RAB12: variants seen among roughly 807,000 people sequenced by gnomAD.
RAB12 encodes the protein RAB12, member RAS oncogene family.
Under a neutral mutation model 28.4 loss-of-function variants are expected in RAB12, and 11 were observed. That is an observed-to-expected ratio of 0.39 (90% CI 0.24 to 0.64). The LOEUF is 0.64. Among genes scored for constraint, RAB12 ranks in the 30% least tolerant of loss-of-function variants. RAB12 has a pLI of 0.50. For synonymous variants in RAB12, 138 were observed against 145.3 expected, an observed-to-expected ratio of 0.95 and a Z score of 0.36; for missense variants, 276 against 351.1, an observed-to-expected ratio of 0.79 and a Z score of 1.71.
intron 1 of RAB12, among the ~76,000 whole-genome samples, chr18:8,612,829 C>G (rs1024534424): frequency 6.6e-6 from 1 of 152,144 alleles, no homozygotes; most frequent in Non-Finnish European, 1.5e-5. Context: ...CACCACCAAG[C>G]CCTTTTTTGA....
chr18:8,626,760 C>G (rs1057220677), intron 2 of RAB12, among the ~76,000 whole-genome samples: 1 of 152,206 alleles, frequency 6.6e-6, no homozygotes, highest in South Asian at 2.1e-4. Context: ...CCAAATGACC[C>G]CTCTCCCTCT....
intron 1 of RAB12, among the ~76,000 whole-genome samples, chr18:8,610,448 A>G (rs1296516707): frequency 6.6e-6 from 1 of 152,230 alleles, no homozygotes; most frequent in African/African-American, 2.4e-5. Context: ...GAATGTTAAA[A>G]CTAAAACTAC....
intron 3 of RAB12, among the ~76,000 whole-genome samples, 160 bp downstream of exon 3, chr18:8,633,487 T>C (rs33958447): frequency 6.6e-6 from 1 of 152,098 alleles, no homozygotes; most frequent in African/African-American, 2.4e-5. Flanking sequence ...TAGTCCTGTA[T>C]TGTGGATGAG....
chr18:8,638,227 C>A lies in RAB12; in HGVS notation c.988C>A (p.Leu330Met). 6.2e-7 allele frequency: 1 copy of A among 1,613,804 alleles called. No homozygotes were observed. Among genetic ancestry groups the A allele is most frequent in the Non-Finnish European group, 8.5e-7 (1 of 1,179,736 alleles). ...ACCAGAGCCTGAGATACCGCCAGAACTGCCTCCACCAAGACCACATGTCCG... is the reference window on the plus strand; with the variant it reads ...ACCAGAGCCTGAGATACCGCCAGAAATGCCTCCACCAAGACCACATGTCCG... ...LQPEPEIPPE[L>M]PPPRPHVRCC Residue 330 changes from leucine to methionine, a missense_variant, in exon 6 of 6, where the codon CTG (leucine) becomes ATG (methionine). This residue lies in a region of RAB12 where 127 missense variants were observed against 161.4 expected (regional missense o/e 0.79). Coordinates refer to ENST00000649141, the MANE Select transcript of RAB12 (RefSeq NM_001025300.3).
In RAB12 at chr18:8,639,147, CTTTTT is replaced by C. The variant is rs71165796; in HGVS notation, c.*926_*930del. The C allele has an allele frequency of 6.2e-5, 1 of 16,044 alleles. No homozygotes were observed. Among genetic ancestry groups the C allele is most frequent in the Non-Finnish European group, 1.3e-4 (1 of 7,590 alleles). 1.0% of individuals were successfully genotyped at this position (16,044 alleles called of 1,614,324 possible). On this transcript the variant is annotated 3_prime_UTR_variant, in exon 6 of 6. Transcript: ENST00000649141. ...ATTCTGATTAAGCCTAGACTGTGTT[CTTTTT>C]TTTTTTTTTTTTTTTTTTTTTTTTT...
chr18:8,620,164 T>TTTTTAAAAAAAAAAAA (rs1241560251), intron 1 of RAB12, among the ~76,000 whole-genome samples: 1 of 55,350 alleles, frequency 1.8e-5, no homozygotes, highest in Non-Finnish European at 3.4e-5. Context: ...TTTTTTTGCT[T>TTTTTAAAAAAAAAAAA]CAAAAAAAAA....
At chr18:8,637,278 TAAAAA>T (rs11375791) in intron 5 of RAB12, among the ~76,000 whole-genome samples, 1 of 144,084 alleles carries the variant, frequency 6.9e-6, no homozygotes, top group African/African-American at 2.6e-5. Context: ...TGTCTCTATT[TAAAAA>T]AAAAAAAAAA....
chr18:8,621,147 T>G (rs1395711438), intron 1 of RAB12, among the ~76,000 whole-genome samples: 2 of 152,208 alleles, frequency 1.3e-5, no homozygotes, highest in African/African-American at 4.8e-5. Context: ...CCCTTGGTTG[T>G]TTGTAAACAT....
At chr18:8,635,217 A>T (rs1025401241) in intron 3 of RAB12, 1 of 177,194 alleles carries the variant, frequency 5.6e-6, no homozygotes. Flanking sequence ...TAGGTTTTTC[A>T]GTTGATAACC....
rs1031607543 is a variant in RAB12, at chr18:8,609,529, C to T, written c.90C>T (p.Asp30=). ...GGSGGGGGGG[D]PGAESRPAAQ... ...GCGGCGGAGGAGGAGGAGGAGGGGA[C>T]CCGGGCGCAGAGAGCCGGCCGGCGG... The change falls in exon 1 of 6, where the codon GAC becomes GAT. Residue 30 remains aspartate, a synonymous_variant. Transcript: ENST00000649141. 9 of 151,266 alleles carry T rather than the reference C, an allele frequency of 5.9e-5. No individual in the cohort carries two copies. The highest frequency in any genetic ancestry group is 2.0e-4 in the Admixed American group (3 of 14,904). 9.4% of individuals were successfully genotyped at this position (151,266 alleles called of 1,614,324 possible). A position where few individuals can be genotyped will look rare whatever the true frequency, so the allele number is the denominator to read the frequency against.
chr18:8,622,528 G>C (rs2096010455), intron 1 of RAB12, among the ~76,000 whole-genome samples: 1 of 152,214 alleles, frequency 6.6e-6, no homozygotes, highest in African/African-American at 2.4e-5. Flanking sequence ...GTGTGAACAG[G>C]TGTGGGTCAC....
chr18:8,611,556 A>G (rs1236971887), intron 1 of RAB12, among the ~76,000 whole-genome samples: 1 of 152,108 alleles, frequency 6.6e-6, no homozygotes, highest in African/African-American at 2.4e-5. Flanking sequence ...AGGGTTCCTT[A>G]GGGGACTTGG....
At chr18:8,613,858 G>C (rs148020816) in intron 1 of RAB12, among the ~76,000 whole-genome samples, 410 of 152,156 alleles carry the variant, frequency 2.7e-3, no homozygotes, top group African/African-American at 9.1e-3. Context: ...AGTAGTAGTA[G>C]TAGTAGTAGT....
chr18:8,632,188 G>A (rs1444805138), intron 2 of RAB12, among the ~76,000 whole-genome samples: 1 of 149,566 alleles, frequency 6.7e-6, no homozygotes, highest in African/African-American at 2.5e-5. Context: ...TGAGGCAGGA[G>A]AATCGCTTGA....
In RAB12 at chr18:8,614,347, GCCTTTTACATA is replaced by G. The variant is rs2096005515; in HGVS notation, c.514+4397_514+4407del. ...CATCATTCAAATTCAAGTGTCTTAA[GCCTTTTACATA>G]CCAAAATAGGTATATTTGAATACAG... On this transcript the variant is annotated intron_variant, in intron 1 of 5. Coordinates refer to ENST00000649141, the MANE Select transcript of RAB12 (RefSeq NM_001025300.3). Among the ~76,000 whole-genome samples, 3 of 151,868 alleles carry G rather than the reference GCCTTTTACATA, an allele frequency of 2.0e-5. No homozygotes were observed. The South Asian group carries it at 6.2e-4, about 32-fold the overall frequency.
intron 5 of RAB12, 118 bp from the exon 6 acceptor site, chr18:8,638,031 T>A: frequency 4.8e-6 from 3 of 630,758 alleles, no homozygotes; most frequent in Non-Finnish European, 8.3e-6. Flanking sequence ...GTGAAACTTG[T>A]ATTGAAAAGC....
rs2096020971 is a variant in RAB12, at chr18:8,639,174, T to TTTTTTTTTTTTTTTTTTTG, written c.*913_*931dup. On this transcript the variant is annotated 3_prime_UTR_variant, in exon 6 of 6. Coordinates refer to ENST00000649141, the MANE Select transcript of RAB12 (RefSeq NM_001025300.3). ...TTTTTTTTTTTTTTTTTTTTTTTTT[T>TTTTTTTTTTTTTTTTTTTG]TTTTTTTTTTTTTTTTTTGGTCTGA... 1 of 128,852 alleles carries TTTTTTTTTTTTTTTTTTTG rather than the reference T, an allele frequency of 7.8e-6. No individual in the cohort carries two copies. Among genetic ancestry groups the TTTTTTTTTTTTTTTTTTTG allele is most frequent in the African/African-American group, 3.0e-5 (1 of 33,388 alleles). 8.0% of individuals were successfully genotyped at this position (128,852 alleles called of 1,614,324 possible).
At chr18:8,612,539 G>C (rs2096004429) in intron 1 of RAB12, among the ~76,000 whole-genome samples, 1 of 152,256 alleles carries the variant, frequency 6.6e-6, no homozygotes, top group African/African-American at 2.4e-5. Flanking sequence ...GTCTGGGAAA[G>C]ACCGTGAGCC....
At chr18:8,634,684 T>G (rs911220593) in intron 3 of RAB12, among the ~76,000 whole-genome samples, 5 of 151,346 alleles carry the variant, frequency 3.3e-5, no homozygotes, top group Admixed American at 6.6e-5. Flanking sequence ...ATTTCCTGAG[T>G]GCGGGGCCCA....
Sources: gnomAD v4.1 joint callset for allele counts (sites outside exome capture counted in the v4.1 genomes callset) on GRCh38, gnomAD v4.1.1 for gene constraint, gnomAD v4.1.1 regional missense constraint, MANE v1.5 for transcripts, NCBI Gene and HGNC (gene_info 2026-07-23, HGNC 2026-07-21) for gene names.